The following CLNK variants were observed in gnomAD, a reference collection of about 807,000 sequenced individuals.
The protein encoded by CLNK is cytokine dependent hematopoietic cell linker.
A neutral mutation model predicts 68.6 loss-of-function variants in CLNK; 74 were observed. The observed-to-expected ratio is 1.08, with a 90% CI of 0.89 to 1.31. The LOEUF is 1.31. CLNK is among the 50% of genes most tolerant of loss of function. The pLI is 0.00. For missense variants in CLNK, 553 were observed against 515.3 expected, an observed-to-expected ratio of 1.07 and a Z score of -0.71; for synonymous variants, 198 against 172.2, an observed-to-expected ratio of 1.15 and a Z score of -1.17.
the CLNK span, among the ~76,000 whole-genome samples, chr4:10,696,105 C>T: frequency 3.3e-5 from 5 of 152,214 alleles, no homozygotes; most frequent in Admixed American, 6.5e-5. Context: ...ATCCACCCAC[C>T]TCGGCCTCCC....
At chr4:10,571,868 CT>C in intron 4 of CLNK, 90 bp from the exon 5 acceptor site, 1 of 1,023,040 alleles carries the variant, frequency 9.8e-7, no homozygotes, top group Non-Finnish European at 1.5e-6. Flanking sequence ...CTCCAGAAAT[CT>C]TTTGTCAGTT....
intron 2 of CLNK, among the ~76,000 whole-genome samples, chr4:10,614,382 G>T (rs1419842410): frequency 1.3e-5 from 2 of 152,094 alleles, no homozygotes; most frequent in African/African-American, 4.8e-5. Flanking sequence ...TTTCATCCTT[G>T]GTTCTACAGA....
At chr4:10,537,698 C>CTTT (rs1560206954) in intron 11 of CLNK, among the ~76,000 whole-genome samples, 1 of 12,962 alleles carries the variant, frequency 7.7e-5, no homozygotes, top group Non-Finnish European at 2.0e-4. Flanking sequence ...TTCCTTCCTT[C>CTTT]CTTCCTTCCT....
the CLNK span, among the ~76,000 whole-genome samples, chr4:10,727,996 T>C: frequency 6.6e-6 from 1 of 152,138 alleles, no homozygotes; most frequent in African/African-American, 2.4e-5. Flanking sequence ...GAGGTACACA[T>C]GGATAGACAC....
At chr4:10,705,293 T>C in the CLNK span, among the ~76,000 whole-genome samples, 3 of 152,238 alleles carry the variant, frequency 2.0e-5, no homozygotes, top group Non-Finnish European at 4.4e-5. Context: ...CCAATTGGTG[T>C]GACCTGGGGA....
At chr4:10,535,143 G>GT (rs1262165618) in intron 11 of CLNK, among the ~76,000 whole-genome samples, 1 of 151,108 alleles carries the variant, frequency 6.6e-6, no homozygotes, top group East Asian at 2.0e-4. Context: ...GAGGCCAGGA[G>GT]TTTGAGACCA....
chr4:10,714,166 C>A, the CLNK span, among the ~76,000 whole-genome samples: 9 of 152,274 alleles, frequency 5.9e-5, no homozygotes, highest in African/African-American at 1.9e-4. Flanking sequence ...AAACTATAGA[C>A]CTTTCCAGGA....
intron 2 of CLNK, among the ~76,000 whole-genome samples, chr4:10,620,888 G>A (rs953390890): frequency 5.3e-5 from 8 of 151,168 alleles, no homozygotes; most frequent in African/African-American, 1.9e-4. Flanking sequence ...AGATCACAAG[G>A]TCAGGAGATC....
the CLNK span, among the ~76,000 whole-genome samples, chr4:10,730,166 C>G: frequency 6.6e-6 from 1 of 152,202 alleles, no homozygotes; most frequent in African/African-American, 2.4e-5. Context: ...CTGGCAAGCT[C>G]ACGGTCTGCA....
At chr4:10,541,223 A>C (rs199681270) in intron 10 of CLNK, among the ~76,000 whole-genome samples, 13 of 14,860 alleles carry the variant, frequency 8.7e-4, no homozygotes, top group African/African-American at 2.3e-3. Context: ...AAAAAAAAAC[A>C]AAAAAAAAAA....
chr4:10,666,959 T>G (rs1724422649), intron 2 of CLNK, among the ~76,000 whole-genome samples: 1 of 152,222 alleles, frequency 6.6e-6, no homozygotes, highest in African/African-American at 2.4e-5. Context: ...AGTGCCCACC[T>G]GCGAGGTACA....
intron 8 of CLNK, 66 bp from the exon 9 acceptor site, chr4:10,542,346 G>A (rs539969677): frequency 5.9e-6 from 6 of 1,021,014 alleles, no homozygotes; most frequent in South Asian, 3.0e-5. Flanking sequence ...TTTTATACAC[G>A]CTTACATGAA....
chr4:10,729,142 C>T, the CLNK span, among the ~76,000 whole-genome samples: 2 of 152,128 alleles, frequency 1.3e-5, no homozygotes, highest in Admixed American at 6.6e-5. Context: ...TGGCTGCTTC[C>T]TCTTCTGAAT....
At chr4:10,686,498 G>A (rs147725418), upstream of CLNK, among the ~76,000 whole-genome samples, 57 of 151,802 alleles carry the variant, frequency 3.8e-4, no homozygotes, top group Admixed American at 1.1e-3. Context: ...AGGTGCCTCT[G>A]TTCTCCTCTG....
intron 1 of CLNK, among the ~76,000 whole-genome samples, chr4:10,670,771 G>A (rs929954173): frequency 6.6e-6 from 1 of 152,110 alleles, no homozygotes; most frequent in Non-Finnish European, 1.5e-5. Context: ...GTTAGAGTAT[G>A]TCATTACATT....
At chr4:10,713,451 A>G in the CLNK span, among the ~76,000 whole-genome samples, 1 of 152,142 alleles carries the variant, frequency 6.6e-6, no homozygotes, top group African/African-American at 2.4e-5. Flanking sequence ...CTCAGCCAAA[A>G]GGAGGTGGAG....
chr4:10,514,732 A>G (rs1717754217), intron 15 of CLNK, among the ~76,000 whole-genome samples: 1 of 151,284 alleles, frequency 6.6e-6, no homozygotes. Context: ...AATGGCAACC[A>G]AAGCCAAAAT....
chr4:10,558,302 T>G, intron 8 of CLNK, 105 bp downstream of exon 8: 1 of 895,452 alleles, frequency 1.1e-6, no homozygotes, highest in Admixed American at 1.9e-5. Flanking sequence ...ATAGATCACC[T>G]TGTGTAAGAT....
At chr4:10,674,480 A>G (rs908766535) in intron 1 of CLNK, among the ~76,000 whole-genome samples, 1 of 152,172 alleles carries the variant, frequency 6.6e-6, no homozygotes, top group African/African-American at 2.4e-5. Flanking sequence ...TTGGGTTGGA[A>G]CTCTGTGCTT....
Sources: gnomAD v4.1 joint callset for allele counts (sites outside exome capture counted in the v4.1 genomes callset) on GRCh38, gnomAD v4.1.1 for gene constraint, MANE v1.5 for transcripts, NCBI Gene and HGNC (gene_info 2026-07-23, HGNC 2026-07-21) for gene names.